The following TNC variants were observed in gnomAD, a reference collection of about 807,000 sequenced individuals.
The protein encoded by TNC is tenascin C.
TNC carries 109 observed loss-of-function variants against 202.4 expected under a neutral mutation model. That is an observed-to-expected ratio of 0.54 (90% CI 0.46 to 0.63). The LOEUF is 0.63. Among genes scored for constraint, TNC ranks in the 30% least tolerant of loss-of-function variants. TNC has a pLI of 0.00. For missense variants in TNC, 2,756 were observed against 2,833.3 expected, an observed-to-expected ratio of 0.97 and a Z score of 0.62; for synonymous variants, 1,007 against 1,089.7, an observed-to-expected ratio of 0.92 and a Z score of 1.50.
rs910815633 is a variant in TNC at position 115,073,876 on chromosome 9, G to C, written c.2951-10C>G. On this transcript the variant is annotated splice_polypyrimidine_tract_variant and intron_variant, in intron 9 of 27. Coordinates refer to ENST00000350763, the MANE Select transcript of TNC (RefSeq NM_002160.4). Reference sequence around the variant, plus strand: ...TTGGGCGTGTCCAACTCTGGGAGGAGAACAGAGAGATGAATGCTCTTCAGG... The same window carrying C: ...TTGGGCGTGTCCAACTCTGGGAGGACAACAGAGAGATGAATGCTCTTCAGG... The C allele has an allele frequency of 1.2e-6, 2 of 1,605,032 alleles. No homozygotes were observed. The highest frequency in any genetic ancestry group is 2.7e-5 in the African/African-American group (2 of 74,904).
intron 18 of TNC, 133 bp downstream of exon 18, chr9:115,042,086 A>G (rs919814055): frequency 1.5e-6 from 2 of 1,379,300 alleles, no homozygotes; most frequent in East Asian, 2.3e-5. Flanking sequence ...TCTTCTCTCC[A>G]GATGGTCTCA....
At chr9:115,041,252 T>G (rs1251261140) in intron 18 of TNC, among the ~76,000 whole-genome samples, 168 bp from the exon 19 acceptor site, 1 of 148,980 alleles carries the variant, frequency 6.7e-6, no homozygotes, top group East Asian at 2.0e-4. Flanking sequence ...GGAAGAAGGC[T>G]TACTTTTTGT....
chr9:115,046,408 A>G lies in TNC; in HGVS notation c.5125+2T>C. The G allele has an allele frequency of 6.2e-7, 1 of 1,613,830 alleles. No homozygotes were observed. The highest frequency in any genetic ancestry group is 8.5e-7 in the Non-Finnish European group (1 of 1,179,826). ...CTGTTCTCTCCTGTTTATTTACAGT[A>G]CCTGTTGTTGCTATAGCACTGACTG... On this transcript the variant is annotated splice_donor_variant, in intron 17 of 27. Coordinates refer to ENST00000350763, the MANE Select transcript of TNC (RefSeq NM_002160.4). LOFTEE classifies it high-confidence loss of function.
intron 3 of TNC, among the ~76,000 whole-genome samples, 199 bp from the exon 4 acceptor site, chr9:115,084,671 T>G (rs143345239): frequency 2.6e-5 from 4 of 152,336 alleles, no homozygotes; most frequent in African/African-American, 9.6e-5. Context: ...GTCCATTTCC[T>G]TCAGGCTGGA....
intron 15 of TNC, among the ~76,000 whole-genome samples, chr9:115,051,609 A>G (rs1400510332): frequency 6.6e-6 from 1 of 150,456 alleles, no homozygotes; most frequent in African/African-American, 2.5e-5. Context: ...GGAGACAGGA[A>G]TTTCAAATTA....
chr9:115,031,821 C>T (rs1306058212), intron 22 of TNC, 136 bp from the exon 23 acceptor site: 1 of 1,068,406 alleles, frequency 9.4e-7, no homozygotes, highest in Non-Finnish European at 1.3e-6. Flanking sequence ...TGAGTACCCA[C>T]TCTCTACCAG....
rs561231383 is a variant in TNC at position 115,035,731 on chromosome 9, C to G, written c.5656+367G>C. 3 of 268,926 alleles carry G rather than the reference C, an allele frequency of 1.1e-5. No individual in the cohort carries two copies. The South Asian group carries it at 2.8e-4, about 25-fold the overall frequency. The allele number at this position is 268,926 out of a possible 1,614,324, so 16.7% of individuals were successfully genotyped here. A position where few individuals can be genotyped will look rare whatever the true frequency, so the allele number is the denominator to read the frequency against. Reference sequence around the variant, plus strand: ...TAAAAAGCTCTCAATGTATAGAAACCTAACAAACATCTAGGAAAAATTGCC... The same window carrying G: ...TAAAAAGCTCTCAATGTATAGAAACGTAACAAACATCTAGGAAAAATTGCC... On this transcript the variant is annotated intron_variant, in intron 21 of 27. Transcript: ENST00000350763.
At chr9:115,090,516 C>T (rs1564129552) in intron 2 of TNC, 46 bp downstream of exon 2, 1 of 1,453,744 alleles carries the variant, frequency 6.9e-7, no homozygotes, top group Non-Finnish European at 9.3e-7. Flanking sequence ...CTCTTCATTT[C>T]TCCATGTTTG....
In TNC at chr9:115,048,430, A is replaced by T. The variant is rs1181198841; in HGVS notation, c.4682T>A (p.Val1561Glu). The T allele has an allele frequency of 6.2e-7, 1 of 1,613,952 alleles. No individual in the cohort carries two copies. Among genetic ancestry groups the T allele is most frequent in the Non-Finnish European group, 8.5e-7 (1 of 1,179,974 alleles). Residue 1561 changes from valine (V) to glutamate (E), a missense_variant, in exon 16 of 28, where the codon GTA becomes GAA. Val to Glu is a moderately radical substitution (Grantham distance 121). Coordinates refer to ENST00000350763, the MANE Select transcript of TNC (RefSeq NM_002160.4). ...CAGCTTCCCAGAATCCACCACCGTT[A>T]CTAGAAAGCTGTCAAAGGCATTCTC... is the stretch of plus-strand genomic sequence containing the variant. ...ASENAFDSFL[V>E]TVVDSGKLLD... is the part of the protein sequence containing the mutation.
In TNC at chr9:115,064,731, TG is replaced by T; in HGVS notation, c.3402del (p.Lys1135ArgfsTer13). 1 of 1,614,178 alleles carries T rather than the reference TG, an allele frequency of 6.2e-7. No homozygotes were observed. Among genetic ancestry groups the T allele is most frequent in the Non-Finnish European group, 8.5e-7 (1 of 1,180,016 alleles). On this transcript the variant is annotated frameshift_variant, in exon 11 of 28. Transcript: ENST00000350763. LOFTEE classifies it high-confidence loss of function. Reference protein sequence around the residue: ...GSLRAVDIPGLKAATPYTVSI... With the variant: ...GSLRAVDIPGXKAATPYTVSI... ...GAGACTGTATAAGGCGTAGCAGCCT[TG>T]AGGCCCGGTATGTCCACAGCCCGAA...
At chr9:115,036,921 G>C (rs1830377177) in intron 20 of TNC, among the ~76,000 whole-genome samples, 1 of 152,104 alleles carries the variant, frequency 6.6e-6, no homozygotes, top group African/African-American at 2.4e-5. Flanking sequence ...GGGACAAGTT[G>C]GTCAACTTAC....
In TNC at chr9:115,090,703, T is replaced by C. The variant is rs1328258773; in HGVS notation, c.316A>G (p.Ile106Val). ...NQIVFTHRIN[I>V]PRRACGCAAA... ...GCACAGCCACAGGCCCGGCGGGGGATGTTGATGCGATGTGTGAAGACAATC... is the reference window on the plus strand; with the variant it reads ...GCACAGCCACAGGCCCGGCGGGGGACGTTGATGCGATGTGTGAAGACAATC... The change falls in exon 2 of 28, where the codon ATC becomes GTC. Residue 106 changes from isoleucine (I) to valine (V), a missense_variant. By Grantham distance (29) the Ile-to-Val change is conservative. Transcript: ENST00000350763. 3.1e-6 allele frequency: 5 copies of C among 1,613,964 alleles called. No homozygotes were observed. The South Asian group carries it at 3.3e-5, about 11-fold the overall frequency.
chr9:115,099,546 T>G (rs1836065793), intron 1 of TNC, among the ~76,000 whole-genome samples: 1 of 152,220 alleles, frequency 6.6e-6, no homozygotes, highest in African/African-American at 2.4e-5. Context: ...AAGGGTTCCA[T>G]CCAGTAGCTG....
intron 15 of TNC, among the ~76,000 whole-genome samples, chr9:115,054,454 A>G (rs1310734365): frequency 6.6e-6 from 1 of 152,188 alleles, no homozygotes; most frequent in African/African-American, 2.4e-5. Flanking sequence ...TTATTTCCCT[A>G]TATTTTGCTG....
rs375260357 is a variant in TNC, at chr9:115,029,391, T to C, written c.6138A>G (p.Gly2046=). The change falls in exon 25 of 28, where the codon GGA becomes GGG. Residue 2046 remains glycine (G), a synonymous_variant. Transcript: ENST00000350763. ...FYQNWKAYAA[G]FGDRREEFWL... The stretch of plus-strand genomic sequence containing the variant: ...AGAATTCTTCTCTGCGGTCCCCAAA[T>C]CCAGCAGCATATGCCTTCCAGTTTT... 2 of 1,614,130 alleles carry C rather than the reference T, an allele frequency of 1.2e-6. No homozygotes were observed. The highest frequency in any genetic ancestry group is 1.7e-6 in the Non-Finnish European group (2 of 1,180,012).
At position 115,029,524 on chromosome 9, in the gene TNC, G is replaced by A; in HGVS notation, c.6073-68C>T. The A allele has an allele frequency of 3.4e-6, 5 of 1,458,314 alleles. No homozygotes were observed. In the South Asian group the frequency reaches 5.7e-5, roughly 17 times the overall value. The allele number at this position is 1,458,314 out of a possible 1,614,324, so 90.3% of individuals were successfully genotyped here. On this transcript the variant is annotated intron_variant, in intron 24 of 27. Coordinates refer to ENST00000350763, the MANE Select transcript of TNC (RefSeq NM_002160.4). ...AGGAAAGAGGGCATCGTTGTGAGAG[G>A]AAGGAGTGTGGCACTGTGGAGAGAG...
At chr9:115,084,100 A>G (rs888186758) in intron 4 of TNC, 109 bp downstream of exon 4, 11 of 1,200,064 alleles carry the variant, frequency 9.2e-6, no homozygotes, top group South Asian at 1.5e-5. Flanking sequence ...CTTATTTGGT[A>G]TAACTGTAAA....
chr9:115,041,182 T>G, intron 18 of TNC, 98 bp from the exon 19 acceptor site: 2 of 1,340,618 alleles, frequency 1.5e-6, no homozygotes, highest in Non-Finnish European at 2.0e-6. Flanking sequence ...GAAATGAAAC[T>G]ATATCTTCAT....
At position 115,084,728 on chromosome 9, in the gene TNC, T is replaced by C. The variant is rs561523171; in HGVS notation, c.1868-256A>G. Among the ~76,000 whole-genome samples the C allele has an allele frequency of 4.6e-5, 7 of 152,288 alleles. No individual in the cohort carries two copies. In the South Asian group the frequency reaches 1.2e-3, roughly 27 times the overall value. ...CTTGGGTGTTTCTGGCCTCTCCAAC[T>C]TTCTGTGCTTCCTGGGTCTTAGCTC... On this transcript the variant is annotated intron_variant, in intron 3 of 27. Coordinates refer to ENST00000350763, the MANE Select transcript of TNC (RefSeq NM_002160.4).
Sources: gnomAD v4.1 joint callset for allele counts (sites outside exome capture counted in the v4.1 genomes callset) on GRCh38, gnomAD v4.1.1 for gene constraint, MANE v1.5 for transcripts, NCBI Gene and HGNC (gene_info 2026-07-23, HGNC 2026-07-21) for gene names.